The following KCNIP4 variants were observed in gnomAD, a reference collection of about 807,000 sequenced individuals.
KCNIP4 encodes the protein Kv channel-interacting protein 4.
In KCNIP4, 12 loss-of-function variants were observed where a neutral mutation model predicts 34.0. The ratio of observed to expected loss-of-function variants is 0.35; its 90% CI spans 0.23 to 0.57. KCNIP4 has a LOEUF of 0.57. Ranked by LOEUF, KCNIP4 falls within the 20% of genes least tolerant of loss-of-function variation. The pLI is 0.83. For synonymous variants in KCNIP4, 124 were observed against 102.2 expected (o/e 1.21, Z -1.29); for missense variants, 238 against 311.7 (o/e 0.76, Z 1.78).
chr4:21,648,309 C>T (rs1747192935), intron 1 of KCNIP4, among the ~76,000 whole-genome samples: 1 of 152,076 alleles, frequency 6.6e-6, no homozygotes, highest in Non-Finnish European at 1.5e-5. Context: ...GCTGTAATGT[C>T]ACATGTTTTG....
chr4:21,586,246 T>G (rs1014555637), intron 1 of KCNIP4, among the ~76,000 whole-genome samples: 7 of 152,124 alleles, frequency 4.6e-5, no homozygotes, highest in African/African-American at 1.7e-4. Context: ...TTTATTTAAG[T>G]GTGTATTCAT....
At chr4:21,492,215 T>A (rs2109863271) in intron 1 of KCNIP4, among the ~76,000 whole-genome samples, 1 of 152,124 alleles carries the variant, frequency 6.6e-6, no homozygotes, top group South Asian at 2.1e-4. Context: ...CTTGAGCAGA[T>A]ATACATATAC....
intron 1 of KCNIP4, among the ~76,000 whole-genome samples, chr4:21,924,943 T>C (rs1344665631): frequency 1.3e-5 from 2 of 152,128 alleles, no homozygotes; most frequent in African/African-American, 4.8e-5. Flanking sequence ...GTCCTTAAGA[T>C]AGTGGTCAGT....
chr4:21,622,205 T>G (rs1745040225), intron 1 of KCNIP4, among the ~76,000 whole-genome samples: 1 of 152,196 alleles, frequency 6.6e-6, no homozygotes, highest in African/African-American at 2.4e-5. Flanking sequence ...GTACAAATGA[T>G]GTATAATTAA....
At chr4:21,294,697 G>T (rs1328027458) in intron 1 of KCNIP4, among the ~76,000 whole-genome samples, 1 of 152,106 alleles carries the variant, frequency 6.6e-6, no homozygotes, top group Non-Finnish European at 1.5e-5. Context: ...AAATAGCATT[G>T]TGATTTCTAA....
At chr4:21,527,396 A>G (rs1736059715) in intron 1 of KCNIP4, among the ~76,000 whole-genome samples, 1 of 152,126 alleles carries the variant, frequency 6.6e-6, no homozygotes, top group Non-Finnish European at 1.5e-5. Context: ...CTTGGCCTAT[A>G]TTACTTTTAC....
At chr4:20,894,258 G>A (rs1407268038) in intron 1 of KCNIP4, among the ~76,000 whole-genome samples, 1 of 152,176 alleles carries the variant, frequency 6.6e-6, no homozygotes. Context: ...CGGAAAGCAA[G>A]CGACAGGTGA....
intron 1 of KCNIP4, among the ~76,000 whole-genome samples, chr4:21,659,583 C>A (rs1269516841): frequency 1.3e-5 from 2 of 152,048 alleles, no homozygotes; most frequent in African/African-American, 4.8e-5. Flanking sequence ...ATTTCTTCAT[C>A]TAGAGATTTG....
chr4:21,085,515 C>G (rs1046091697), intron 1 of KCNIP4, among the ~76,000 whole-genome samples: 1 of 152,030 alleles, frequency 6.6e-6, no homozygotes, highest in East Asian at 1.9e-4. Context: ...TTGAAATCAC[C>G]AGACAATTTC....
intron 1 of KCNIP4, among the ~76,000 whole-genome samples, chr4:21,796,179 G>A (rs1720610608): frequency 1.3e-5 from 2 of 152,072 alleles, no homozygotes; most frequent in South Asian, 2.1e-4. Flanking sequence ...TCTTTACTCT[G>A]GTTTCTCATG....
At position 21,248,518 on chromosome 4, in the gene KCNIP4, T is replaced by C. The variant is rs549258704; in HGVS notation, c.62-365809A>G. 2.0e-5 allele frequency among the ~76,000 whole-genome samples: 3 copies of C among 152,248 alleles called. No homozygotes were observed. The South Asian group carries it at 6.2e-4, about 32-fold the overall frequency. On this transcript the variant is annotated intron_variant, in intron 1 of 8. Transcript: ENST00000382152. ...CCCAAAGCCTTGATAACTGGAGAAT[T>C]TCCAAATGCTGCATTTTTTTCAGCC... is the stretch of plus-strand genomic sequence containing the variant.
At chr4:21,862,829 C>T (rs1044574725) in intron 1 of KCNIP4, among the ~76,000 whole-genome samples, 13 of 152,160 alleles carry the variant, frequency 8.5e-5, no homozygotes, top group Middle Eastern at 3.4e-3. Context: ...GGCGTGGTGG[C>T]AGGCACCTGT....
At chr4:20,834,475 G>T (rs1419148913) in intron 3 of KCNIP4, among the ~76,000 whole-genome samples, 2 of 152,094 alleles carry the variant, frequency 1.3e-5, no homozygotes. Flanking sequence ...TGCTAAGTAA[G>T]GAACAAACTG....
chr4:20,749,801 T>C, intron 4 of KCNIP4, 69 bp from the exon 5 acceptor site: 1 of 992,132 alleles, frequency 1.0e-6, no homozygotes, highest in Non-Finnish European at 1.5e-6. Flanking sequence ...TGGATAGCAG[T>C]CCAAGCTTCC....
intron 1 of KCNIP4, among the ~76,000 whole-genome samples, chr4:21,885,807 A>G (rs1042715043): frequency 6.6e-6 from 1 of 152,152 alleles, no homozygotes; most frequent in East Asian, 1.9e-4. Flanking sequence ...GTTTTTTTCC[A>G]TATGCTACTA....
At chr4:21,469,725 T>C (rs1730300222) in intron 1 of KCNIP4, among the ~76,000 whole-genome samples, 1 of 152,126 alleles carries the variant, frequency 6.6e-6, no homozygotes, top group Non-Finnish European at 1.5e-5. Context: ...ACTTCAAAGA[T>C]AATTGGACTC....
In KCNIP4 at chr4:20,729,068, GC is replaced by G. The variant is rs1458805269; in HGVS notation, c.*1013del. The G allele has an allele frequency of 1.5e-5, 2 of 136,616 alleles. No individual in the cohort carries two copies. The highest frequency in any genetic ancestry group is 7.2e-5 in the Admixed American group (1 of 13,958). The allele number at this position is 136,616 out of a possible 1,614,324, so 8.5% of individuals were successfully genotyped here. On this transcript the variant is annotated 3_prime_UTR_variant, in exon 9 of 9. Transcript: ENST00000382152. ...AAAGTGAATTTTGCTTGCTAATTTT[GC>G]TTGCTGTTTGTTCTTAGTAGACAGT... is the stretch of plus-strand genomic sequence containing the variant.
At chr4:21,785,172 T>C (rs999762804) in intron 1 of KCNIP4, among the ~76,000 whole-genome samples, 1 of 152,174 alleles carries the variant, frequency 6.6e-6, no homozygotes, top group African/African-American at 2.4e-5. Context: ...AGTAGCTTTA[T>C]GGACATATAA....
intron 3 of KCNIP4, among the ~76,000 whole-genome samples, chr4:20,767,909 G>A (rs145394281): frequency 3.3e-4 from 51 of 152,324 alleles, no homozygotes; most frequent in African/African-American, 1.2e-3. Flanking sequence ...TTAGGCATCT[G>A]TATATTTCAC....
Sources: allele counts gnomAD v4.1 joint callset (sites outside exome capture counted in the v4.1 genomes callset), GRCh38; gene constraint gnomAD v4.1.1; transcripts MANE v1.5; gene names NCBI Gene and HGNC (gene_info 2026-07-23, HGNC 2026-07-21).